MBNL3: variants seen among roughly 807,000 people sequenced by gnomAD.
The protein encoded by MBNL3 is muscleblind like splicing regulator 3, also known as muscleblind-like protein 3.
MBNL3 carries 6 observed loss-of-function variants against 24.5 expected under a neutral mutation model. The ratio of observed to expected loss-of-function variants is 0.25; its 90% CI spans 0.13 to 0.48. The LOEUF (loss-of-function observed/expected upper bound fraction) is 0.48, where lower values mean the gene tolerates loss of function less well. Among genes scored for constraint, MBNL3 ranks in the 20% least tolerant of loss-of-function variants. The pLI, the probability that MBNL3 is intolerant of heterozygous loss-of-function variation, is 0.99. For synonymous variants in MBNL3, 100 were observed against 101.7 expected (o/e 0.98, Z 0.10); for missense variants, 230 against 293.5 (o/e 0.78, Z 1.58).
intron 2 of MBNL3, among the ~76,000 whole-genome samples, chrX:132,412,085 C>T (rs1009741692): frequency 9.2e-6 from 1 of 108,699 alleles, no homozygotes; most frequent in African/African-American, 3.3e-5. Context: ...TAGTTCCTAA[C>T]TTTTTTTTTT....
rs184500926 is a variant in MBNL3 at position 132,411,431 on chromosome X, A to G, written c.178-5039T>C. Reference sequence around the variant, plus strand: ...TGAAATAGCCCACTAAGATAACTTGATTCCCAGGATGGAAACAGTTTAGGG... The same window carrying G: ...TGAAATAGCCCACTAAGATAACTTGGTTCCCAGGATGGAAACAGTTTAGGG... On this transcript the variant is annotated intron_variant, in intron 2 of 8. Transcript: ENST00000370853. 4.4e-4 allele frequency: 327 copies of G among 751,243 alleles called. No homozygotes were observed. In the African/African-American group the frequency reaches 7.2e-3, roughly 16 times the overall value. The allele number at this position is 751,243 out of a possible 1,213,427, so 61.9% of individuals were successfully genotyped here.
intron 2 of MBNL3, among the ~76,000 whole-genome samples, chrX:132,429,385 T>A: frequency 9.0e-6 from 1 of 111,731 alleles, no homozygotes; most frequent in East Asian, 2.8e-4. Flanking sequence ...GTCAGCAAAC[T>A]CAACAATGCG....
intron 1 of MBNL3, among the ~76,000 whole-genome samples, chrX:132,466,572 T>C (rs1457265568): frequency 8.9e-6 from 1 of 112,079 alleles, no homozygotes; most frequent in African/African-American, 3.2e-5. Context: ...TGAGTGATCT[T>C]AGAGAGGGCC....
At chrX:132,468,972 A>C (rs1947029954) in intron 1 of MBNL3, among the ~76,000 whole-genome samples, 1 of 112,594 alleles carries the variant, frequency 8.9e-6, no homozygotes, top group Non-Finnish European at 1.9e-5. Flanking sequence ...TTTTATTTAC[A>C]AACTATGTAA....
At chrX:132,420,116 C>A (rs1321061034) in intron 2 of MBNL3, among the ~76,000 whole-genome samples, 2 of 111,284 alleles carry the variant, frequency 1.8e-5, no homozygotes, top group African/African-American at 6.5e-5. Flanking sequence ...GAATCTTGGG[C>A]CATGCAGTGA....
intron 1 of MBNL3, among the ~76,000 whole-genome samples, chrX:132,481,132 G>A (rs2148543712): frequency 8.9e-6 from 1 of 112,213 alleles, no homozygotes; most frequent in East Asian, 2.8e-4. Context: ...AGGGAGCCCA[G>A]TGCAACCAGC....
At chrX:132,430,259 A>G (rs1189905919) in intron 2 of MBNL3, 3 of 111,763 alleles carry the variant, frequency 2.7e-5, no homozygotes, top group Admixed American at 9.5e-5. Flanking sequence ...AAAAATCGCA[A>G]AAATAATACC....
intron 1 of MBNL3, among the ~76,000 whole-genome samples, chrX:132,467,044 A>G (rs1341879433): frequency 4.5e-5 from 5 of 111,690 alleles, no homozygotes; most frequent in African/African-American, 9.8e-5. Context: ...ATTCAATACT[A>G]TATGGCCATA....
At chrX:132,458,315 A>T (rs1603261851) in intron 1 of MBNL3, among the ~76,000 whole-genome samples, 1 of 110,733 alleles carries the variant, frequency 9.0e-6, no homozygotes, top group East Asian at 2.8e-4. Flanking sequence ...ATTAAAAAAA[A>T]AAAAAACTTA....
At chrX:132,443,025 C>G (rs1945469869) in intron 1 of MBNL3, among the ~76,000 whole-genome samples, 1 of 112,090 alleles carries the variant, frequency 8.9e-6, no homozygotes, top group Non-Finnish European at 1.9e-5. Flanking sequence ...GATAATACAG[C>G]TTTATCTTCA....
At chrX:132,465,797 T>A (rs760391321) in intron 1 of MBNL3, among the ~76,000 whole-genome samples, 10 of 112,132 alleles carry the variant, frequency 8.9e-5, no homozygotes, top group African/African-American at 3.2e-4. Flanking sequence ...ATCTAATAAT[T>A]CTTCAATCAT....
intron 3 of MBNL3, among the ~76,000 whole-genome samples, chrX:132,396,889 T>TATATATTCATATATAC: frequency 1.5e-5 from 1 of 66,923 alleles, no homozygotes; most frequent in African/African-American, 6.0e-5. Flanking sequence ...TATATATTCA[T>TATATATTCATATATAC]ATATATATTC....
intron 3 of MBNL3, among the ~76,000 whole-genome samples, chrX:132,400,809 T>G (rs954324811): frequency 8.9e-6 from 1 of 112,041 alleles, no homozygotes; most frequent in Admixed American, 9.5e-5. Flanking sequence ...ATGGTAGCAC[T>G]CCAGGCACTT....
At chrX:132,481,645 T>C (rs1170312530) in intron 1 of MBNL3, among the ~76,000 whole-genome samples, 1 of 111,862 alleles carries the variant, frequency 8.9e-6, no homozygotes, top group Admixed American at 9.5e-5. Flanking sequence ...TTTTATGATG[T>C]GATGATGATG....
chrX:132,383,035 C>T (rs1022024360), intron 7 of MBNL3, among the ~76,000 whole-genome samples: 2 of 112,209 alleles, frequency 1.8e-5, no homozygotes, highest in Admixed American at 9.4e-5. Flanking sequence ...TTTATCTTTG[C>T]CTTTTCTAGT....
chrX:132,476,490 T>C (rs777040594), intron 1 of MBNL3, among the ~76,000 whole-genome samples: 23 of 111,986 alleles, frequency 2.1e-4, no homozygotes, highest in African/African-American at 6.8e-4. Context: ...CATGCAGCTC[T>C]TTCTCTCCTT....
intron 5 of MBNL3, among the ~76,000 whole-genome samples, chrX:132,390,454 C>T (rs1389753811): frequency 4.6e-5 from 5 of 109,466 alleles, no homozygotes; most frequent in African/African-American, 1.7e-4. Flanking sequence ...TTTTGAAAGG[C>T]ATTAAGGATG....
intron 4 of MBNL3, 60 bp from the exon 5 acceptor site, chrX:132,391,143 T>C: frequency 1.2e-6 from 1 of 860,231 alleles, no homozygotes; most frequent in Non-Finnish European, 1.7e-6. Context: ...GCTGACTGGC[T>C]TTTATTTATT....
intron 1 of MBNL3, among the ~76,000 whole-genome samples, chrX:132,472,919 C>A (rs1412538037): frequency 3.6e-5 from 4 of 111,640 alleles, no homozygotes; most frequent in Non-Finnish European, 5.6e-5. Flanking sequence ...AACCAGAGTG[C>A]AGATCCTGAA....
Sources: allele counts gnomAD v4.1 joint callset (sites outside exome capture counted in the v4.1 genomes callset), GRCh38; gene constraint gnomAD v4.1.1; transcripts MANE v1.5; gene names NCBI Gene and HGNC (gene_info 2026-07-23, HGNC 2026-07-21).